SORCS3: variants seen among roughly 807,000 people sequenced by gnomAD.
The protein encoded by SORCS3 is VPS10 domain-containing receptor SorCS3.
Under a neutral mutation model 146.3 loss-of-function variants are expected in SORCS3, and 57 were observed. The ratio of observed to expected loss-of-function variants is 0.39; its 90% CI spans 0.31 to 0.49. SORCS3 has a LOEUF of 0.49. Ranked by LOEUF, SORCS3 falls within the 20% of genes least tolerant of loss-of-function variation. SORCS3 has a pLI of 0.92. For synonymous variants in SORCS3, 653 were observed against 618.5 expected, an observed-to-expected ratio of 1.06 and a Z score of -0.83; for missense variants, 1,341 against 1,575.5, an observed-to-expected ratio of 0.85 and a Z score of 2.52.
intron 1 of SORCS3, among the ~76,000 whole-genome samples, chr10:104,695,283 C>T (rs557661400): frequency 6.6e-6 from 1 of 151,938 alleles, no homozygotes; most frequent in South Asian, 2.1e-4. Context: ...GTTGTAAATC[C>T]AGTAGCTGGG....
chr10:105,046,402 AGTT>A (rs1182556504), intron 5 of SORCS3, among the ~76,000 whole-genome samples: 1 of 152,080 alleles, frequency 6.6e-6, no homozygotes, highest in Non-Finnish European at 1.5e-5. Context: ...TGCTACTCGC[AGTT>A]GTTGGCAAGT....
At chr10:104,913,766 C>CTTTTT (rs35484660) in intron 2 of SORCS3, among the ~76,000 whole-genome samples, 26 of 106,416 alleles carry the variant, frequency 2.4e-4, no homozygotes, top group African/African-American at 5.3e-4. Context: ...TATCCCCATT[C>CTTTTT]TTTTTTTTTT....
chr10:104,873,489 C>T (rs997789184), intron 2 of SORCS3, among the ~76,000 whole-genome samples: 1 of 152,162 alleles, frequency 6.6e-6, no homozygotes, highest in Non-Finnish European at 1.5e-5. Context: ...GACTGTTATA[C>T]CTGTTGAGAA....
intron 4 of SORCS3, among the ~76,000 whole-genome samples, chr10:104,979,183 C>T (rs1469746127): frequency 6.6e-6 from 1 of 152,128 alleles, no homozygotes; most frequent in Non-Finnish European, 1.5e-5. Flanking sequence ...GGGTCATCTG[C>T]ATTCCTCACT....
intron 21 of SORCS3, among the ~76,000 whole-genome samples, chr10:105,246,652 A>G (rs1446499454): frequency 1.3e-5 from 2 of 152,226 alleles, no homozygotes; most frequent in African/African-American, 4.8e-5. Flanking sequence ...TGTTTCTTTC[A>G]AAGTAAACAT....
intron 1 of SORCS3, among the ~76,000 whole-genome samples, chr10:104,683,307 T>C (rs1231970811): frequency 2.6e-5 from 4 of 152,204 alleles, no homozygotes; most frequent in Non-Finnish European, 5.9e-5. Context: ...AGAGACAGGA[T>C]ACACTTCTCA....
chr10:105,058,697 C>A (rs2055462586), intron 5 of SORCS3, among the ~76,000 whole-genome samples: 1 of 152,058 alleles, frequency 6.6e-6, no homozygotes, highest in Admixed American at 6.5e-5. Context: ...GGCCTTGGGG[C>A]ACTAGTAGGA....
chr10:105,080,223 AT>A (rs1365388729), intron 5 of SORCS3, among the ~76,000 whole-genome samples: 4 of 152,028 alleles, frequency 2.6e-5, no homozygotes, highest in African/African-American at 9.7e-5. Context: ...AGCATCTATT[AT>A]TTTTTGACTT....
At chr10:104,720,731 G>A (rs894015151) in intron 1 of SORCS3, among the ~76,000 whole-genome samples, 1 of 152,224 alleles carries the variant, frequency 6.6e-6, no homozygotes, top group Non-Finnish European at 1.5e-5. Flanking sequence ...GGCCAGTGAT[G>A]ATGAGCATTT....
intron 4 of SORCS3, among the ~76,000 whole-genome samples, chr10:105,024,757 T>G (rs1160288462): frequency 6.6e-6 from 1 of 152,198 alleles, no homozygotes; most frequent in Admixed American, 6.5e-5. Context: ...TTTTTATATA[T>G]AAATGTATGC....
chr10:105,224,088 A>G (rs1019127744), intron 20 of SORCS3, among the ~76,000 whole-genome samples: 2 of 152,196 alleles, frequency 1.3e-5, no homozygotes, highest in Non-Finnish European at 2.9e-5. Context: ...TTAATACATC[A>G]TTATCACTCA....
chr10:104,878,626 T>A (rs1349462676), intron 2 of SORCS3, among the ~76,000 whole-genome samples: 1 of 152,228 alleles, frequency 6.6e-6, no homozygotes, highest in Non-Finnish European at 1.5e-5. Context: ...GTATTTTATA[T>A]GATGAAATAC....
chr10:104,704,775 A>G (rs2016317507), intron 1 of SORCS3, among the ~76,000 whole-genome samples: 1 of 152,154 alleles, frequency 6.6e-6, no homozygotes, highest in South Asian at 2.1e-4. Context: ...CATCTTTGCC[A>G]TCTTATGTTC....
intron 6 of SORCS3, among the ~76,000 whole-genome samples, chr10:105,103,431 G>T (rs1360000504): frequency 6.6e-6 from 1 of 152,214 alleles, no homozygotes; most frequent in African/African-American, 2.4e-5. Context: ...ATTAGCCCAG[G>T]CTTAGGCTTT....
chr10:104,940,238 ATTTT>A (rs1186082602), intron 3 of SORCS3, among the ~76,000 whole-genome samples: 808 of 31,262 alleles, frequency 0.026, 8 homozygotes, highest in Non-Finnish European at 0.034. Context: ...ATATATATAT[ATTTT>A]TTTTTTTTTT....
intron 1 of SORCS3, among the ~76,000 whole-genome samples, chr10:104,839,671 T>C (rs1259283796): frequency 1.3e-5 from 2 of 151,992 alleles, no homozygotes; most frequent in Non-Finnish European, 2.9e-5. Context: ...AATTAAGAGG[T>C]AAAATTGAAA....
intron 14 of SORCS3, among the ~76,000 whole-genome samples, chr10:105,190,461 A>G (rs917213359): frequency 2.0e-5 from 3 of 152,208 alleles, no homozygotes; most frequent in Admixed American, 6.5e-5. Context: ...GCTGGAGTGC[A>G]GATCTCAGCT....
At chr10:104,773,042 A>G (rs1203036660) in intron 1 of SORCS3, among the ~76,000 whole-genome samples, 1 of 152,150 alleles carries the variant, frequency 6.6e-6, no homozygotes, top group African/African-American at 2.4e-5. Context: ...GGGGTATCTC[A>G]TGGGGAGATA....
chr10:104,989,809 G>A (rs1209107294), intron 4 of SORCS3, among the ~76,000 whole-genome samples: 3 of 152,180 alleles, frequency 2.0e-5, no homozygotes, highest in African/African-American at 4.8e-5. Context: ...TGGCTGTTCT[G>A]TAGGCATAAA....
Sources: gnomAD v4.1 joint callset for allele counts (sites outside exome capture counted in the v4.1 genomes callset) on GRCh38, gnomAD v4.1.1 for gene constraint, MANE v1.5 for transcripts, NCBI Gene and HGNC (gene_info 2026-07-23, HGNC 2026-07-21) for gene names.